Variants in TBC1D12 observed in about 807,000 individuals in gnomAD.
TBC1D12 encodes TBC1 domain family, member 12.
TBC1D12 carries 56 observed loss-of-function variants against 86.7 expected under a neutral mutation model. That is an observed-to-expected ratio of 0.65 (90% CI 0.52 to 0.81). The LOEUF is 0.81. Among genes scored for constraint, TBC1D12 ranks in the 30% least tolerant of loss-of-function variants. The pLI, the probability that TBC1D12 is intolerant of heterozygous loss-of-function variation, is 0.00. For missense variants in TBC1D12, 1,023 were observed against 1,038.8 expected (o/e 0.98, Z 0.21); for synonymous variants, 421 against 411.7 (o/e 1.02, Z -0.27).
chr10:94,409,472 A>G (rs2054901732), intron 1 of TBC1D12, among the ~76,000 whole-genome samples: 2 of 151,282 alleles, frequency 1.3e-5, no homozygotes, highest in Non-Finnish European at 2.9e-5. Flanking sequence ...CCTGGGCTCA[A>G]TTGATCCTTT....
At chr10:94,526,856 A>G (rs1231539582) in intron 11 of TBC1D12, among the ~76,000 whole-genome samples, 1 of 152,198 alleles carries the variant, frequency 6.6e-6, no homozygotes, top group African/African-American at 2.4e-5. Flanking sequence ...ACAACAGTGT[A>G]TAAGAGTTCC....
intron 3 of TBC1D12, among the ~76,000 whole-genome samples, chr10:94,491,506 G>A (rs113083497): frequency 1.3e-5 from 2 of 152,344 alleles, no homozygotes; most frequent in African/African-American, 4.8e-5. Flanking sequence ...AAAATACGGT[G>A]TAGTAGTTAC....
chr10:94,442,063 CATT>C, intron 2 of TBC1D12, 44 bp downstream of exon 2: 1 of 1,511,204 alleles, frequency 6.6e-7, no homozygotes. Flanking sequence ...GCTTTTCAAG[CATT>C]CTTCTTCTTC....
rs2056405493 is a variant in TBC1D12, at chr10:94,502,095, G to A, written c.1519+1768G>A. Among the ~76,000 whole-genome samples, 7 of 152,074 alleles carry A rather than the reference G, an allele frequency of 4.6e-5. 1 individual carries two copies. In the South Asian group the frequency reaches 1.2e-3, roughly 27 times the overall value. On this transcript the variant is annotated intron_variant, in intron 6 of 12. Transcript: ENST00000225235. ...CGCCTGTAATCCCAGCACTTTGGGA[G>A]GCCAACGCGGGTGGATCAACTGAGG...
intron 1 of TBC1D12, among the ~76,000 whole-genome samples, chr10:94,433,021 A>C (rs2055240228): frequency 6.6e-6 from 1 of 151,998 alleles, no homozygotes. Flanking sequence ...CCTGGCCGAC[A>C]TGGTAAAACC....
In TBC1D12 at chr10:94,402,713, C is replaced by A. The variant is rs1430514291; in HGVS notation, c.100C>A (p.Arg34=). 1 of 1,580,892 alleles carries A rather than the reference C, an allele frequency of 6.3e-7. No individual in the cohort carries two copies. The highest frequency in any genetic ancestry group is 8.6e-7 in the Non-Finnish European group (1 of 1,163,288). The change falls in exon 1 of 13, where the codon CGG becomes AGG. Residue 34 remains arginine (R), a synonymous_variant. Transcript: ENST00000225235. ...CGTGGGCCAGGACAGGAAGGTAATC[C>A]GGGCCACGGGCGGCTTTGGCGGAGG... ...DPVGQDRKVI[R]ATGGFGGGVG...
chr10:94,446,780 G>T (rs1028018056), intron 2 of TBC1D12, among the ~76,000 whole-genome samples: 10 of 152,090 alleles, frequency 6.6e-5, no homozygotes, highest in East Asian at 3.8e-4. Context: ...AAGAAGAAAA[G>T]ATTTAATTTA....
rs191858684 is a variant in TBC1D12, at chr10:94,409,389, T to G, written c.971+5805T>G. The stretch of plus-strand genomic sequence containing the variant: ...ATTAAATTAACTTTTTTTTTTTTTT[T>G]TTTTTGAGACAGGATCTCATTCTGT... On this transcript the variant is annotated intron_variant, in intron 1 of 12. Coordinates refer to ENST00000225235, the MANE Select transcript of TBC1D12 (RefSeq NM_015188.2). 5.0e-4 allele frequency among the ~76,000 whole-genome samples: 75 copies of G among 150,902 alleles called. No homozygotes were observed. In the East Asian group the frequency reaches 0.01, roughly 21 times the overall value.
rs116522746 is a variant in TBC1D12, at chr10:94,529,866, C to G, written c.2001-1336C>G. On this transcript the variant is annotated intron_variant, in intron 11 of 12. Coordinates refer to ENST00000225235, the MANE Select transcript of TBC1D12 (RefSeq NM_015188.2). The stretch of plus-strand genomic sequence containing the variant: ...GGAGAGAACTAATAAAGAGTAAGTA[C>G]TGTATACTAGAACCTGAGCCTAGGC... Among the ~76,000 whole-genome samples the G allele has an allele frequency of 2.9e-3, 449 of 152,256 alleles. 3 individuals carry two copies. The highest frequency in any genetic ancestry group is 0.01 in the African/African-American group (423 of 41,542).
chr10:94,484,700 T>C (rs1466920728), intron 3 of TBC1D12, among the ~76,000 whole-genome samples: 2 of 151,998 alleles, frequency 1.3e-5, no homozygotes, highest in Admixed American at 1.3e-4. Context: ...TATGGACATT[T>C]TAACAATGTT....
chr10:94,512,026 A>G (rs1160579491), intron 9 of TBC1D12, among the ~76,000 whole-genome samples: 1 of 152,072 alleles, frequency 6.6e-6, no homozygotes, highest in East Asian at 1.9e-4. Flanking sequence ...TCCCTAAAGG[A>G]TAGGGGAGGG....
intron 6 of TBC1D12, among the ~76,000 whole-genome samples, chr10:94,506,133 C>T (rs1485462241): frequency 6.6e-6 from 1 of 151,790 alleles, no homozygotes. Context: ...GCCTCCCGGG[C>T]TCAAGTGATT....
intron 9 of TBC1D12, among the ~76,000 whole-genome samples, chr10:94,519,365 G>A (rs1202557005): frequency 6.6e-6 from 1 of 152,114 alleles, no homozygotes; most frequent in Non-Finnish European, 1.5e-5. Flanking sequence ...TATGGATACT[G>A]TAACAAACTA....
intron 3 of TBC1D12, among the ~76,000 whole-genome samples, chr10:94,490,336 T>A (rs972070689): frequency 6.6e-6 from 1 of 152,068 alleles, no homozygotes; most frequent in African/African-American, 2.4e-5. Flanking sequence ...GTTAGAAAAA[T>A]GGCACCCATA....
chr10:94,527,086 G>GTGTGTA (rs1162097606), intron 11 of TBC1D12, among the ~76,000 whole-genome samples: 1 of 151,582 alleles, frequency 6.6e-6, no homozygotes, highest in Non-Finnish European at 1.5e-5. Context: ...GATTGATTGT[G>GTGTGTA]TGTGTGTGTG....
chr10:94,447,493 G>A (rs1003502679), intron 2 of TBC1D12: 13 of 420,504 alleles, frequency 3.1e-5, no homozygotes, highest in Admixed American at 2.6e-4. Flanking sequence ...TGCTTTCCAT[G>A]TTAACAGTAA....
At chr10:94,406,845 G>A (rs1180238774) in intron 1 of TBC1D12, among the ~76,000 whole-genome samples, 1 of 152,206 alleles carries the variant, frequency 6.6e-6, no homozygotes, top group East Asian at 1.9e-4. Flanking sequence ...ATTGTCTAAA[G>A]AAGGTAATTT....
intron 9 of TBC1D12, among the ~76,000 whole-genome samples, chr10:94,515,480 T>G (rs998289168): frequency 2.6e-4 from 40 of 152,142 alleles, no homozygotes; most frequent in Admixed American, 1.0e-3. Flanking sequence ...CCCAAGTAGC[T>G]GGGATTACAG....
chr10:94,402,799 G>T lies in TBC1D12; in HGVS notation c.186G>T (p.Glu62Asp). 6.5e-7 allele frequency: 1 copy of T among 1,544,154 alleles called. No homozygotes were observed. Among genetic ancestry groups the T allele is most frequent in the Non-Finnish European group, 8.7e-7 (1 of 1,144,182 alleles). ...ADEEEEADEEEETPPRQLLQR... is the reference protein window; with the variant it reads ...ADEEEEADEEDETPPRQLLQR... Reference sequence around the variant, plus strand: ...AGGAGGAGGAGGCTGACGAGGAGGAGGAGACGCCGCCTCGGCAGCTCCTTC... The same window carrying T: ...AGGAGGAGGAGGCTGACGAGGAGGATGAGACGCCGCCTCGGCAGCTCCTTC... Residue 62 changes from glutamate (E) to aspartate (D), a missense_variant, in exon 1 of 13, where the codon GAG (glutamate) becomes GAT (aspartate). This residue lies in a region of TBC1D12 where 628 missense variants were observed against 531.1 expected (regional missense o/e 1.18). Coordinates refer to ENST00000225235, the MANE Select transcript of TBC1D12 (RefSeq NM_015188.2).
Sources: gnomAD v4.1 joint callset for allele counts (sites outside exome capture counted in the v4.1 genomes callset) on GRCh38, gnomAD v4.1.1 for gene constraint, gnomAD v4.1.1 regional missense constraint, MANE v1.5 for transcripts, NCBI Gene and HGNC (gene_info 2026-07-23, HGNC 2026-07-21) for gene names.